The following ELAVL4 variants were observed in gnomAD, a reference collection of about 807,000 sequenced individuals.
ELAVL4 encodes the protein ELAV like RNA binding protein 4.
In ELAVL4, 1 loss-of-function variant was observed where a neutral mutation model predicts 35.6. The observed-to-expected ratio is 0.03, with a 90% confidence interval of 0.01 to 0.13. The LOEUF is 0.13. Ranked by LOEUF, ELAVL4 falls within the 10% of genes least tolerant of loss-of-function variation. The pLI is 1.00. For synonymous variants in ELAVL4, 156 were observed against 171.0 expected (o/e 0.91, Z 0.69); for missense variants, 267 against 464.9 (o/e 0.57, Z 3.91).
intron 3 of ELAVL4, among the ~76,000 whole-genome samples, chr1:50,188,539 T>C (rs1390845556): frequency 6.6e-6 from 1 of 152,216 alleles, no homozygotes; most frequent in Non-Finnish European, 1.5e-5. Flanking sequence ...GTCATCTTTA[T>C]TGCCAATTAA....
At chr1:50,049,593 A>G (rs866136170) in intron 1 of ELAVL4, among the ~76,000 whole-genome samples, 2 of 152,166 alleles carry the variant, frequency 1.3e-5, no homozygotes, top group Admixed American at 6.5e-5. Context: ...TGACAGTACA[A>G]TGCTGCGCGG....
Position 50,195,774 on chromosome 1 carries a change from C to G in ELAVL4, c.722C>G (p.Ala241Gly). Residue 241 changes from alanine (A) to glycine (G), a missense_variant, in exon 5 of 7, where the codon GCT (alanine) becomes GGT (glycine). By Grantham distance (60) the Ala-to-Gly change is moderately conservative. Coordinates refer to ENST00000371824, the MANE Select transcript of ELAVL4 (RefSeq NM_001144774.3). ...RRYPGPLHHQ[A>G]QRFRLDNLLN... is the part of the protein sequence containing the mutation. ...TACCCAGGTCCACTTCACCACCAGG[C>G]TCAGAGGTTCAGGTAGGCATGCCCA... 6.2e-7 allele frequency: 1 copy of G among 1,614,144 alleles called. No individual in the cohort carries two copies. The highest frequency in any genetic ancestry group is 1.6e-4 in the Middle Eastern group (1 of 6,062).
chr1:50,153,843 T>C (rs1675237921), intron 2 of ELAVL4, among the ~76,000 whole-genome samples: 1 of 152,228 alleles, frequency 6.6e-6, no homozygotes, highest in Non-Finnish European at 1.5e-5. Flanking sequence ...AGTGATCTTA[T>C]AAGAAGAGGA....
chr1:50,109,018 C>CGGGG lies in ELAVL4; in HGVS notation c.-172_-171insGGGG. 3.9e-6 allele frequency: 2 copies of CGGGG among 519,104 alleles called. No homozygotes were observed. The highest frequency in any genetic ancestry group is 4.8e-6 in the Non-Finnish European group (2 of 416,516). The allele number at this position is 519,104 out of a possible 1,614,324, so 32.2% of individuals were successfully genotyped here. A position where few individuals can be genotyped will look rare whatever the true frequency, so the allele number is the denominator to read the frequency against. On this transcript the variant is annotated 5_prime_UTR_variant, in exon 1 of 7. Coordinates refer to ENST00000371824, the MANE Select transcript of ELAVL4 (RefSeq NM_001144774.3). ...CCTTTTCTTTTTTTTCTTTCTCTCC[C>CGGGG]CCGCCCACCCCCCCAAAAATAATTG...
chr1:50,171,966 C>A (rs191925202), intron 2 of ELAVL4, among the ~76,000 whole-genome samples: 2 of 152,330 alleles, frequency 1.3e-5, no homozygotes, highest in African/African-American at 4.8e-5. Flanking sequence ...GGGGTTCTAA[C>A]TTCCATAAAA....
At chr1:50,138,516 G>T (rs1203120733) in intron 1 of ELAVL4, among the ~76,000 whole-genome samples, 1 of 151,812 alleles carries the variant, frequency 6.6e-6, no homozygotes, top group Admixed American at 6.6e-5. Context: ...CTGGAGTGCA[G>T]TGGCGTGATC....
chr1:50,093,057 GT>G (rs1665563089), intron 1 of ELAVL4, among the ~76,000 whole-genome samples: 1 of 152,172 alleles, frequency 6.6e-6, no homozygotes, highest in African/African-American at 2.4e-5. Context: ...CATAGTAGGT[GT>G]TCAATAAATA....
At chr1:50,121,203 A>G (rs1378803120) in intron 1 of ELAVL4, among the ~76,000 whole-genome samples, 1 of 152,044 alleles carries the variant, frequency 6.6e-6, no homozygotes, top group Non-Finnish European at 1.5e-5. Context: ...CTAGGAGCCT[A>G]TTTAGCCCAA....
upstream of ELAVL4, chr1:50,106,435 G>A (rs1198509279): frequency 1.3e-6 from 2 of 1,527,884 alleles, no homozygotes; most frequent in Admixed American, 1.7e-5. Context: ...ACAGTGCTGG[G>A]ATATCATTTT....
intron 1 of ELAVL4, among the ~76,000 whole-genome samples, chr1:50,065,993 T>C (rs1664245069): frequency 6.6e-6 from 1 of 152,182 alleles, no homozygotes; most frequent in Non-Finnish European, 1.5e-5. Context: ...GTGGAATTTC[T>C]ACTGCATCCT....
At chr1:50,095,364 ATT>A (rs1447370261) in intron 1 of ELAVL4, among the ~76,000 whole-genome samples, 4 of 152,090 alleles carry the variant, frequency 2.6e-5, no homozygotes, top group African/African-American at 9.7e-5. Context: ...GCACTGTTCT[ATT>A]TGTTTATATA....
At chr1:50,184,498 C>T (rs1456544776) in intron 3 of ELAVL4, among the ~76,000 whole-genome samples, 2 of 152,014 alleles carry the variant, frequency 1.3e-5, no homozygotes, top group Non-Finnish European at 2.9e-5. Context: ...CTCTGGTCAG[C>T]CCATCCTAGT....
At chr1:50,159,039 C>CAAAAAA (rs57361277) in intron 2 of ELAVL4, among the ~76,000 whole-genome samples, 4 of 74,894 alleles carry the variant, frequency 5.3e-5, no homozygotes, top group African/African-American at 1.4e-4. Context: ...GACTCCTTCT[C>CAAAAAA]AAAAAAAAAA....
intron 1 of ELAVL4, among the ~76,000 whole-genome samples, chr1:50,081,840 C>G (rs1445652976): frequency 6.6e-6 from 1 of 152,108 alleles, no homozygotes; most frequent in Admixed American, 6.6e-5. Flanking sequence ...TACCCCCACC[C>G]CCTGACAGGC....
At chr1:50,070,088 A>C (rs1664442530) in intron 1 of ELAVL4, among the ~76,000 whole-genome samples, 1 of 152,184 alleles carries the variant, frequency 6.6e-6, no homozygotes, top group South Asian at 2.1e-4. Flanking sequence ...CCACTCCTGG[A>C]TTTGCCAGGC....
intron 1 of ELAVL4, among the ~76,000 whole-genome samples, chr1:50,112,556 G>C (rs1253666452): frequency 6.6e-6 from 1 of 152,064 alleles, no homozygotes; most frequent in Non-Finnish European, 1.5e-5. Context: ...TTAATGATCA[G>C]AATGTCCATA....
chr1:50,177,278 G>A, intron 3 of ELAVL4, 86 bp downstream of exon 3: 1 of 981,870 alleles, frequency 1.0e-6, no homozygotes, highest in South Asian at 1.4e-5. Flanking sequence ...CTATGTGGGG[G>A]CTGGAAGCAG....
chr1:50,101,476 A>C (rs1665975014), upstream of ELAVL4, among the ~76,000 whole-genome samples: 2 of 152,236 alleles, frequency 1.3e-5, no homozygotes, highest in Non-Finnish European at 2.9e-5. Flanking sequence ...AATCTTTTTA[A>C]GAAAATTTTT....
rs532174215 is a variant in ELAVL4 at position 50,057,595 on chromosome 1, A to G, written c.18+9413A>G. Among the ~76,000 whole-genome samples the G allele has an allele frequency of 2.0e-5, 3 of 152,346 alleles. No homozygotes were observed. In the South Asian group the frequency reaches 6.2e-4, roughly 32 times the overall value. ...TTTACTGTACTTTTTCTATGTTTAGATACACAAATACAAGCATTGTGTTAC... is the reference window on the plus strand; with the variant it reads ...TTTACTGTACTTTTTCTATGTTTAGGTACACAAATACAAGCATTGTGTTAC... On this transcript the variant is annotated intron_variant, in intron 1 of 6. Transcript: ENST00000448907.
Sources: gnomAD v4.1 joint callset for allele counts (sites outside exome capture counted in the v4.1 genomes callset) on GRCh38, gnomAD v4.1.1 for gene constraint, MANE v1.5 for transcripts, NCBI Gene and HGNC (gene_info 2026-07-23, HGNC 2026-07-21) for gene names.